Variants in DOK6 observed in about 807,000 individuals in gnomAD.
DOK6 encodes the protein docking protein 6, also known as downstream of tyrosine kinase 6.
Under a neutral mutation model 44.0 loss-of-function variants are expected in DOK6, and 22 were observed. The observed-to-expected ratio is 0.50, with a 90% CI of 0.36 to 0.71. DOK6 has a LOEUF of 0.71. DOK6 is among the 30% of genes least tolerant of loss of function. The pLI is 0.00. For missense variants in DOK6, 340 were observed against 416.4 expected (o/e 0.82, Z 1.60); for synonymous variants, 166 against 145.5 (o/e 1.14, Z -1.01).
chr18:69,547,321 G>A (rs1411024063), intron 1 of DOK6, among the ~76,000 whole-genome samples: 3 of 151,496 alleles, frequency 2.0e-5, no homozygotes, highest in East Asian at 1.9e-4. Context: ...GACTGGTCTC[G>A]AACTCCTGAC....
chr18:69,418,584 C>T (rs953423720), intron 1 of DOK6, among the ~76,000 whole-genome samples: 3 of 152,044 alleles, frequency 2.0e-5, no homozygotes, highest in Non-Finnish European at 4.4e-5. Flanking sequence ...GACTCAGCCT[C>T]CCCAGTATCT....
rs1038411287 is a variant in DOK6 at position 69,841,494 on chromosome 18, G to A, written c.*111G>A. 9.0e-6 allele frequency: 13 copies of A among 1,452,216 alleles called. No individual in the cohort carries two copies. The East Asian group carries it at 9.8e-5, about 11-fold the overall frequency. The allele number at this position is 1,452,216 out of a possible 1,614,324, so 90.0% of individuals were successfully genotyped here. A position where few individuals can be genotyped will look rare whatever the true frequency, so the allele number is the denominator to read the frequency against. On this transcript the variant is annotated 3_prime_UTR_variant, in exon 8 of 8. Transcript: ENST00000382713. ...ATTGCAGTACAAATTGAAATGGGTC[G>A]GCTCTAGCCCCAGTCCCATTGGAAG...
intron 1 of DOK6, among the ~76,000 whole-genome samples, chr18:69,466,145 C>G (rs1022925437): frequency 6.6e-6 from 1 of 152,088 alleles, no homozygotes; most frequent in Non-Finnish European, 1.5e-5. Context: ...ATTTTGAACC[C>G]TTTGACAAAC....
chr18:69,821,730 A>G (rs1005688420), intron 7 of DOK6, among the ~76,000 whole-genome samples: 1 of 151,974 alleles, frequency 6.6e-6, no homozygotes, highest in Non-Finnish European at 1.5e-5. Context: ...TTCCCCTGTG[A>G]AAATCACATG....
At chr18:69,469,715 G>A in intron 1 of DOK6, 3 of 276,708 alleles carry the variant, frequency 1.1e-5, no homozygotes, top group Admixed American at 4.0e-5. Flanking sequence ...GAACTTCGTG[G>A]CCAAGAACAT....
At chr18:69,679,753 T>C (rs1016417504) in intron 4 of DOK6, among the ~76,000 whole-genome samples, 10 of 152,242 alleles carry the variant, frequency 6.6e-5, no homozygotes, top group African/African-American at 2.2e-4. Context: ...GAGATATATA[T>C]GGTTTCCATC....
intron 6 of DOK6, among the ~76,000 whole-genome samples, chr18:69,739,815 A>C (rs560414120): frequency 1.2e-4 from 19 of 152,346 alleles, no homozygotes. Context: ...ATAAAGATGC[A>C]TCAGAGTTCA....
chr18:69,507,608 T>A (rs1452796625), intron 1 of DOK6, among the ~76,000 whole-genome samples: 1 of 152,168 alleles, frequency 6.6e-6, no homozygotes, highest in Non-Finnish European at 1.5e-5. Flanking sequence ...CTGCACATAT[T>A]TGGTAAGATT....
intron 7 of DOK6, among the ~76,000 whole-genome samples, chr18:69,787,367 T>G (rs1980463343): frequency 6.6e-6 from 1 of 152,238 alleles, no homozygotes; most frequent in Non-Finnish European, 1.5e-5. Context: ...TTTTACAGTG[T>G]GTTAACTTTA....
chr18:69,407,573 A>G (rs1002799181), intron 1 of DOK6, among the ~76,000 whole-genome samples: 6 of 152,206 alleles, frequency 3.9e-5, no homozygotes, highest in African/African-American at 1.4e-4. Context: ...CTTTAGATTT[A>G]TTTTAAGATA....
At chr18:69,512,815 A>C (rs1381111395) in intron 1 of DOK6, among the ~76,000 whole-genome samples, 1 of 152,218 alleles carries the variant, frequency 6.6e-6, no homozygotes, top group African/African-American at 2.4e-5. Flanking sequence ...GAATTGGTTT[A>C]AATCAATGCT....
In DOK6 at chr18:69,487,652, G is replaced by C. The variant is rs534813936; in HGVS notation, c.67-76835G>C. On this transcript the variant is annotated intron_variant, in intron 1 of 7. Coordinates refer to ENST00000382713, the MANE Select transcript of DOK6 (RefSeq NM_152721.6). ...AGTTATGCAAGGCAATTTCTGGAGA[G>C]AGTCAGGAAAGAGGCCCTGAGAAGC... 2.6e-5 allele frequency among the ~76,000 whole-genome samples: 4 copies of C among 152,208 alleles called. No homozygotes were observed. In the South Asian group the frequency reaches 8.3e-4, roughly 31 times the overall value.
At chr18:69,572,198 C>A (rs1870368394) in intron 2 of DOK6, among the ~76,000 whole-genome samples, 1 of 152,008 alleles carries the variant, frequency 6.6e-6, no homozygotes, top group African/African-American at 2.4e-5. Context: ...AGCCTTATTT[C>A]ATTGTTTTTG....
intron 3 of DOK6, among the ~76,000 whole-genome samples, chr18:69,651,658 T>A (rs940945147): frequency 6.6e-6 from 1 of 151,886 alleles, no homozygotes; most frequent in African/African-American, 2.4e-5. Flanking sequence ...CCAGCTAATT[T>A]TTGTATTTTG....
At chr18:69,470,787 C>T (rs769947217) in intron 1 of DOK6, among the ~76,000 whole-genome samples, 10 of 152,074 alleles carry the variant, frequency 6.6e-5, no homozygotes, top group Non-Finnish European at 1.3e-4. Context: ...GAAAACAAAG[C>T]GTAAGAAATT....
At chr18:69,697,588 T>G (rs1308227857) in intron 4 of DOK6, among the ~76,000 whole-genome samples, 1 of 152,178 alleles carries the variant, frequency 6.6e-6, no homozygotes, top group Non-Finnish European at 1.5e-5. Flanking sequence ...ACCAAGTTCT[T>G]TTTACTTCCT....
intron 1 of DOK6, among the ~76,000 whole-genome samples, chr18:69,479,386 G>A (rs1488683240): frequency 1.3e-5 from 2 of 152,110 alleles, no homozygotes; most frequent in Non-Finnish European, 2.9e-5. Context: ...AGTAAGGGAA[G>A]AATGTGATTC....
chr18:69,691,936 C>T (rs1986277152), intron 4 of DOK6, among the ~76,000 whole-genome samples: 1 of 152,170 alleles, frequency 6.6e-6, no homozygotes, highest in Admixed American at 6.5e-5. Flanking sequence ...TTCTTAGGAA[C>T]ATACCATATG....
chr18:69,586,407 G>A (rs1983501193), intron 2 of DOK6, among the ~76,000 whole-genome samples: 1 of 152,148 alleles, frequency 6.6e-6, no homozygotes, highest in Admixed American at 6.5e-5. Flanking sequence ...ATCTCAGGTT[G>A]ACAGCAGGCC....
Sources: gnomAD v4.1 joint callset for allele counts (sites outside exome capture counted in the v4.1 genomes callset) on GRCh38, gnomAD v4.1.1 for gene constraint, MANE v1.5 for transcripts, NCBI Gene and HGNC (gene_info 2026-07-23, HGNC 2026-07-21) for gene names.